Variants in KSR2 observed in about 807,000 individuals in gnomAD.
The protein encoded by KSR2 is kinase suppressor of ras 2.
KSR2 carries 25 observed loss-of-function variants against 107.8 expected under a neutral mutation model. The observed-to-expected ratio is 0.23, with a 90% confidence interval of 0.17 to 0.32. The LOEUF (loss-of-function observed/expected upper bound fraction) is 0.32. Ranked by LOEUF, KSR2 falls within the 10% of genes least tolerant of loss-of-function variation. The pLI is 1.00. For missense variants in KSR2, 887 were observed against 1,268.9 expected, an observed-to-expected ratio of 0.70 and a Z score of 4.57; for synonymous variants, 480 against 507.0, an observed-to-expected ratio of 0.95 and a Z score of 0.71.
chr12:117,956,696 G>A (rs773642280), intron 1 of KSR2, among the ~76,000 whole-genome samples: 2 of 152,106 alleles, frequency 1.3e-5, no homozygotes, highest in Non-Finnish European at 2.9e-5. Flanking sequence ...GGAGGCCAAG[G>A]CAGGAGGATC....
intron 18 of KSR2, among the ~76,000 whole-genome samples, chr12:117,470,320 C>A (rs1476037930): frequency 6.6e-6 from 1 of 151,990 alleles, no homozygotes; most frequent in Non-Finnish European, 1.5e-5. Flanking sequence ...CTCATCCACC[C>A]ATCATGCATG....
intron 1 of KSR2, among the ~76,000 whole-genome samples, chr12:117,864,196 G>A (rs1217515256): frequency 6.6e-6 from 1 of 152,086 alleles, no homozygotes; most frequent in African/African-American, 2.4e-5. Context: ...AACCATCCAA[G>A]AAGAGCATCC....
At chr12:117,735,925 T>C (rs1267010905) in intron 4 of KSR2, among the ~76,000 whole-genome samples, 5 of 152,318 alleles carry the variant, frequency 3.3e-5, no homozygotes, top group South Asian at 2.1e-4. Flanking sequence ...ATAAGATTAA[T>C]TGAACGTGCC....
At chr12:117,873,229 C>A (rs1228202551) in intron 1 of KSR2, among the ~76,000 whole-genome samples, 3 of 151,724 alleles carry the variant, frequency 2.0e-5, no homozygotes, top group Non-Finnish European at 4.4e-5. Flanking sequence ...CCTGTAATCC[C>A]AGCTACTCCA....
At chr12:117,614,325 G>A (rs914066440) in intron 5 of KSR2, among the ~76,000 whole-genome samples, 58 of 152,174 alleles carry the variant, frequency 3.8e-4, no homozygotes, top group African/African-American at 1.3e-3. Context: ...TTAATTTGTT[G>A]CAATAAGCAT....
chr12:117,568,685 T>C (rs572647269), intron 7 of KSR2, among the ~76,000 whole-genome samples: 1 of 151,886 alleles, frequency 6.6e-6, no homozygotes, highest in Admixed American at 6.5e-5. Context: ...GCAAAATGTC[T>C]GGCACCTGGG....
At chr12:117,782,022 T>A (rs1334937399) in intron 3 of KSR2, among the ~76,000 whole-genome samples, 1 of 152,232 alleles carries the variant, frequency 6.6e-6, no homozygotes, top group Admixed American at 6.5e-5. Flanking sequence ...CACCCCTAGT[T>A]ACCAACCCTG....
At chr12:117,821,347 C>T (rs1049091951) in intron 3 of KSR2, among the ~76,000 whole-genome samples, 1 of 152,160 alleles carries the variant, frequency 6.6e-6, no homozygotes, top group South Asian at 2.1e-4. Flanking sequence ...CCTCCTCTTC[C>T]TCCTCCTCTT....
chr12:117,458,560 G>C lies in KSR2; in HGVS notation c.*8639C>G, dbSNP rs1163115939. On this transcript the variant is annotated 3_prime_UTR_variant, in exon 20 of 20. Transcript: ENST00000339824. ...GAGCCTTTCTTCTGAGCTAATTTAAGCTAAATACATGGCAGCTATTTTTCA... is the reference window on the plus strand; with the variant it reads ...GAGCCTTTCTTCTGAGCTAATTTAACCTAAATACATGGCAGCTATTTTTCA... 2 of 152,298 alleles carry C rather than the reference G, an allele frequency of 1.3e-5. No individual in the cohort carries two copies. Among genetic ancestry groups the C allele is most frequent in the East Asian group, 3.9e-4 (2 of 5,190 alleles). 9.4% of individuals were successfully genotyped at this position (152,298 alleles called of 1,614,324 possible). A position where few individuals can be genotyped will look rare whatever the true frequency, so the allele number is the denominator to read the frequency against.
intron 5 of KSR2, among the ~76,000 whole-genome samples, chr12:117,631,990 A>G (rs968680678): frequency 3.9e-5 from 6 of 152,180 alleles, no homozygotes; most frequent in Admixed American, 3.3e-4. Flanking sequence ...ACCATTAACT[A>G]AAAGTCAGAA....
At chr12:117,935,990 A>T (rs1267394963) in intron 1 of KSR2, among the ~76,000 whole-genome samples, 1 of 151,802 alleles carries the variant, frequency 6.6e-6, no homozygotes, top group East Asian at 1.9e-4. Flanking sequence ...TTTTTTCCAT[A>T]GTACTTGTCA....
intron 5 of KSR2, among the ~76,000 whole-genome samples, chr12:117,659,914 C>A (rs563316562): frequency 6.6e-6 from 1 of 152,224 alleles, no homozygotes; most frequent in African/African-American, 2.4e-5. Context: ...AACTTCTGAA[C>A]AAATCAAACA....
intron 1 of KSR2, among the ~76,000 whole-genome samples, chr12:117,963,578 G>A (rs1487977877): frequency 3.3e-5 from 5 of 151,786 alleles, no homozygotes; most frequent in African/African-American, 7.3e-5. Context: ...ACTCCAGCCT[G>A]AGTTACAGAG....
chr12:117,682,658 A>AC (rs1367604933), intron 4 of KSR2, among the ~76,000 whole-genome samples: 1 of 151,792 alleles, frequency 6.6e-6, no homozygotes, highest in Non-Finnish European at 1.5e-5. Flanking sequence ...ACCTCGGCTG[A>AC]CCCGCTGCCT....
chr12:117,733,583 A>G (rs1887816201), intron 4 of KSR2, among the ~76,000 whole-genome samples: 1 of 152,308 alleles, frequency 6.6e-6, no homozygotes. Flanking sequence ...AACAGGGACC[A>G]TATGGCTGCC....
chr12:117,859,461 A>ATT (rs35142684), intron 2 of KSR2, among the ~76,000 whole-genome samples: 99 of 130,686 alleles, frequency 7.6e-4, no homozygotes, highest in Middle Eastern at 4.5e-3. Context: ...TTTTTTATTT[A>ATT]TTTTTTTTTT....
Position 117,906,904 on chromosome 12 carries a change from G to A in KSR2, c.181-46473C>T, listed in dbSNP as rs1051603997. ...TATCCAGGTGTGGTGGCACACGCCT[G>A]TAGTCCTAAGTGGCTGAGGCAGGAG... On this transcript the variant is annotated intron_variant, in intron 1 of 19. Transcript: ENST00000339824. Among the ~76,000 whole-genome samples the A allele has an allele frequency of 4.6e-5, 7 of 152,040 alleles. No homozygotes were observed. In the South Asian group the frequency reaches 6.2e-4, roughly 14 times the overall value.
At chr12:117,848,818 GGGTGGTGATGGTGGTAGT>G (rs1243103320) in intron 3 of KSR2, among the ~76,000 whole-genome samples, 20 of 143,244 alleles carry the variant, frequency 1.4e-4, no homozygotes, top group African/African-American at 3.0e-4. Context: ...TGATGGTGGT[GGGTGGTGATGGTGGTAGT>G]GGTGGTGATG....
At position 117,667,389 on chromosome 12, in the gene KSR2, G is replaced by A; in HGVS notation, c.1171+85C>T. The A allele has an allele frequency of 5.4e-6, 7 of 1,288,272 alleles. No individual in the cohort carries two copies. In the South Asian group the frequency reaches 7.7e-5, roughly 14 times the overall value. 79.8% of individuals were successfully genotyped at this position (1,288,272 alleles called of 1,614,324 possible). On this transcript the variant is annotated intron_variant, in intron 5 of 19. Transcript: ENST00000339824. ...CCTTGAGATAAAGAAGAGAGAGTTT[G>A]CACCTGGCACAGAGGACAGCAGGTG...
Sources: allele counts gnomAD v4.1 joint callset (sites outside exome capture counted in the v4.1 genomes callset), GRCh38; gene constraint gnomAD v4.1.1; transcripts MANE v1.5; gene names NCBI Gene and HGNC (gene_info 2026-07-23, HGNC 2026-07-21).